The following VOPP1 variants were observed in gnomAD, a reference collection of about 807,000 sequenced individuals.
VOPP1 encodes the protein WW domain binding protein VOPP1.
VOPP1 carries 8 observed loss-of-function variants against 23.5 expected under a neutral mutation model. The observed-to-expected ratio is 0.34, with a 90% CI of 0.20 to 0.61. The LOEUF (loss-of-function observed/expected upper bound fraction) is 0.61. VOPP1 is among the 20% of genes least tolerant of loss of function. The probability of loss-of-function intolerance (pLI) is 0.78; values close to 1 mark genes in which losing one functional copy is unlikely to be tolerated. For missense variants in VOPP1, 174 were observed against 238.1 expected, an observed-to-expected ratio of 0.73 and a Z score of 1.77; for synonymous variants, 83 against 97.3, an observed-to-expected ratio of 0.85 and a Z score of 0.86.
chr7:55,461,336 G>A (rs1432867249), intron 4 of VOPP1, among the ~76,000 whole-genome samples: 2 of 152,006 alleles, frequency 1.3e-5, no homozygotes, highest in Non-Finnish European at 2.9e-5. Flanking sequence ...CACCAATAAA[G>A]AACTTAATAA....
intron 1 of VOPP1, among the ~76,000 whole-genome samples, chr7:55,536,935 G>A (rs1018423447): frequency 2.0e-5 from 3 of 152,190 alleles, no homozygotes; most frequent in Non-Finnish European, 2.9e-5. Flanking sequence ...CGCATGAAAC[G>A]CAGAGCTCTT....
At chr7:55,436,654 G>A (rs1228903662) in intron 4 of VOPP1, among the ~76,000 whole-genome samples, 4 of 151,002 alleles carry the variant, frequency 2.6e-5, no homozygotes, top group Non-Finnish European at 5.9e-5. Context: ...GCGTGGGTGT[G>A]TGTGCGTGTG....
intron 1 of VOPP1, among the ~76,000 whole-genome samples, chr7:55,535,377 G>A (rs1392952461): frequency 6.6e-6 from 1 of 152,234 alleles, no homozygotes. Flanking sequence ...AGCTCAGTGA[G>A]CTCAGAGGGC....
At chr7:55,500,597 T>C (rs996329418) in intron 2 of VOPP1, among the ~76,000 whole-genome samples, 1 of 152,214 alleles carries the variant, frequency 6.6e-6, no homozygotes, top group African/African-American at 2.4e-5. Context: ...AAGGGTGTGC[T>C]GTTTCAGTCT....
intron 2 of VOPP1, among the ~76,000 whole-genome samples, chr7:55,511,519 A>G (rs1447686272): frequency 6.6e-6 from 1 of 152,236 alleles, no homozygotes; most frequent in Non-Finnish European, 1.5e-5. Context: ...TGAAAGAAAA[A>G]TATCTTGAAT....
At chr7:55,485,760 G>A (rs1202655565) in intron 4 of VOPP1, among the ~76,000 whole-genome samples, 1 of 152,266 alleles carries the variant, frequency 6.6e-6, no homozygotes, top group Non-Finnish European at 1.5e-5. Flanking sequence ...GTTAGGCACA[G>A]GGACCTCACG....
chr7:55,513,322 G>A (rs1301151213), intron 2 of VOPP1, among the ~76,000 whole-genome samples: 1 of 152,122 alleles, frequency 6.6e-6, no homozygotes, highest in South Asian at 2.1e-4. Context: ...ACTGATGATC[G>A]TATTCCTTAA....
intron 2 of VOPP1, among the ~76,000 whole-genome samples, chr7:55,512,674 G>T (rs931943515): frequency 6.6e-6 from 1 of 152,236 alleles, no homozygotes; most frequent in Non-Finnish European, 1.5e-5. Context: ...AGGGTCTGCA[G>T]CAGGCGTATG....
At chr7:55,514,799 G>C (rs1431671767) in intron 2 of VOPP1, among the ~76,000 whole-genome samples, 2 of 152,212 alleles carry the variant, frequency 1.3e-5, no homozygotes, top group Non-Finnish European at 2.9e-5. Context: ...CCCAGGCTGT[G>C]TATCTGGCAG....
chr7:55,459,082 T>A (rs910704823), intron 4 of VOPP1, among the ~76,000 whole-genome samples: 1 of 152,070 alleles, frequency 6.6e-6, no homozygotes, highest in African/African-American at 2.4e-5. Context: ...AGTTTTTTTT[T>A]ATCATGAAGG....
intron 1 of VOPP1, among the ~76,000 whole-genome samples, chr7:55,522,606 GC>G (rs1169036442): frequency 2.0e-5 from 3 of 151,990 alleles, no homozygotes; most frequent in Non-Finnish European, 4.4e-5. Context: ...CTCCATCACC[GC>G]CACCGACAGC....
At chr7:55,525,158 C>T (rs1047545380) in intron 1 of VOPP1, among the ~76,000 whole-genome samples, 1 of 152,086 alleles carries the variant, frequency 6.6e-6, no homozygotes, top group African/African-American at 2.4e-5. Flanking sequence ...CCAGCCACAC[C>T]GCCAGCCAGT....
chr7:55,539,011 T>C (rs1796977105), intron 1 of VOPP1, among the ~76,000 whole-genome samples: 2 of 141,832 alleles, frequency 1.4e-5, no homozygotes, highest in African/African-American at 5.3e-5. Context: ...AAGGTTTCAT[T>C]CCTTTTTGTT....
chr7:55,521,228 C>CTTTTCATGGG, intron 1 of VOPP1, 98 bp from the exon 2 acceptor site: 5 of 1,260,256 alleles, frequency 4.0e-6, no homozygotes, highest in Non-Finnish European at 5.6e-6. Flanking sequence ...GAAGACACAG[C>CTTTTCATGGG]TTAACCCATG....
At chr7:55,507,146 G>A (rs1051987431) in intron 2 of VOPP1, among the ~76,000 whole-genome samples, 3 of 152,208 alleles carry the variant, frequency 2.0e-5, no homozygotes, top group African/African-American at 7.2e-5. Flanking sequence ...CAGAACTCCA[G>A]CAGCCTCAAG....
chr7:55,446,236 G>T (rs1054705954), intron 4 of VOPP1, among the ~76,000 whole-genome samples: 4 of 152,188 alleles, frequency 2.6e-5, no homozygotes, highest in Middle Eastern at 6.8e-3. Flanking sequence ...CTCGTGATCT[G>T]CCCACCTCGG....
At chr7:55,541,016 G>A (rs146156294) in intron 1 of VOPP1, among the ~76,000 whole-genome samples, 3 of 152,194 alleles carry the variant, frequency 2.0e-5, no homozygotes, top group East Asian at 1.9e-4. Context: ...ACGACAACCC[G>A]CAGAAACGGG....
At chr7:55,563,716 G>A (rs1798061897) in intron 1 of VOPP1, among the ~76,000 whole-genome samples, 1 of 152,182 alleles carries the variant, frequency 6.6e-6, no homozygotes, top group South Asian at 2.1e-4. Flanking sequence ...GCTGTGATCT[G>A]TCACACAAGG....
intron 1 of VOPP1, chr7:55,554,013 GA>G: frequency 6.6e-6 from 1 of 152,350 alleles, no homozygotes; most frequent in East Asian, 1.9e-4. Context: ...CCCTGCTCAA[GA>G]CTTACGATAT....
Sources: gnomAD v4.1 joint callset for allele counts (sites outside exome capture counted in the v4.1 genomes callset) on GRCh38, gnomAD v4.1.1 for gene constraint, MANE v1.5 for transcripts, NCBI Gene and HGNC (gene_info 2026-07-23, HGNC 2026-07-21) for gene names.